MAGIX: variants seen among roughly 807,000 people sequenced by gnomAD.
MAGIX encodes the protein MAGI family member, X-linked.
MAGIX carries 13 observed loss-of-function variants against 10.0 expected under a neutral mutation model. That is an observed-to-expected ratio of 1.30 (90% CI 0.84 to 2.06). MAGIX has a LOEUF of 2.06. MAGIX is among the 30% of genes most tolerant of loss of function. The pLI is 0.00. For missense variants in MAGIX, 235 were observed against 245.2 expected (o/e 0.96, Z 0.28); for synonymous variants, 108 against 106.8 (o/e 1.01, Z -0.07).
exon 4 of MAGIX, chrX:49,165,307 C>T: frequency 1.7e-6 from 2 of 1,183,336 alleles, no homozygotes; most frequent in Non-Finnish European, 1.1e-6. Flanking sequence ...TCGTCGGCCT[C>T]TGGAGACCCA....
exon 4 of MAGIX, chrX:49,165,252 C>T (rs373871202): frequency 4.2e-6 from 5 of 1,180,823 alleles, no homozygotes; most frequent in South Asian, 1.9e-5. Context: ...ATGCCCAGGC[C>T]GTGGAGCGGA....
chrX:49,164,166 A>G, intron 2 of MAGIX: 1 of 283,687 alleles, frequency 3.5e-6, no homozygotes, highest in Non-Finnish European at 6.1e-6. Flanking sequence ...GCGGAACTGG[A>G]CCCCCGTTCT....
At chrX:49,164,200 C>T (rs1212994883) in intron 2 of MAGIX, 4 of 264,958 alleles carry the variant, frequency 1.5e-5, no homozygotes. Context: ...TTTGAGGAGG[C>T]AGGGCCTGGA....
rs782028133 is a variant in MAGIX, at chrX:49,168,390, C to T, written c.*1991C>T. ...AGGCTGAGGCAGAGAATTGCTTGAA[C>T]CCAGGAGGTGGAGGTTGCAGCGAGC... On this transcript the variant is annotated 3_prime_UTR_variant, in exon 5 of 5. Coordinates refer to ENST00000616266, the Ensembl canonical transcript of MAGIX. 6 of 98,994 alleles carry T rather than the reference C, an allele frequency of 6.1e-5. No individual in the cohort carries two copies. In the East Asian group the frequency reaches 2.0e-3, roughly 33 times the overall value. The allele number at this position is 98,994 out of a possible 1,213,427, so 8.2% of individuals were successfully genotyped here. A position where few individuals can be genotyped will look rare whatever the true frequency, so the allele number is the denominator to read the frequency against.
chrX:49,164,196 G>A (rs1557097004), intron 2 of MAGIX: 7 of 271,449 alleles, frequency 2.6e-5, no homozygotes, highest in Non-Finnish European at 4.5e-5. Context: ...CCTTTTTGAG[G>A]AGGCAGGGCC....
chrX:49,166,122 C>A (rs782199080), exon 5 of MAGIX: 2 of 1,211,664 alleles, frequency 1.7e-6, no homozygotes, highest in Non-Finnish European at 2.2e-6. Context: ...CCGGAGGTAA[C>A]GGGGTCTCGC....
At chrX:49,166,522 T>C in exon 5 of MAGIX, 1 of 562,714 alleles carries the variant, frequency 1.8e-6, no homozygotes, top group Admixed American at 4.0e-5. Context: ...CACCCGCTGC[T>C]CAGTGGCTCT....
intron 2 of MAGIX, chrX:49,164,329 A>ATCTC: frequency 3.2e-6 from 1 of 313,352 alleles, no homozygotes; most frequent in Non-Finnish European, 5.6e-6. Flanking sequence ...TGAGGGTTAG[A>ATCTC]GGCTAATTAG....
exon 1 of MAGIX, chrX:49,162,694 G>A: frequency 3.2e-6 from 1 of 308,481 alleles, no homozygotes. Flanking sequence ...AGCAGAGTGA[G>A]GCCAAGCACT....
At chrX:49,163,867 C>A in exon 2 of MAGIX, 2 of 1,039,572 alleles carry the variant, frequency 1.9e-6, no homozygotes, top group Non-Finnish European at 2.5e-6. Context: ...GCGCGAGCTG[C>A]GGTCGACGTG....
chrX:49,166,257 G>A lies in MAGIX; in HGVS notation c.686G>A (p.Arg229His), dbSNP rs1557097997. 6 of 1,199,566 alleles carry A rather than the reference G, an allele frequency of 5.0e-6. No individual in the cohort carries two copies. The African/African-American group carries it at 6.9e-5, about 14-fold the overall frequency. ...CCCACGGTTTCTCCTCCTGAGCGCC[G>A]CGCTGAGGATCCCAACGACCAGATC... Residue 229 changes from arginine to histidine, a missense_variant, in exon 5 of 5, where the codon CGC becomes CAC. By Grantham distance (29) the Arg-to-His change is conservative (BLOSUM62 0). Transcript: ENST00000616266.
exon 4 of MAGIX, chrX:49,165,292 G>A: frequency 8.5e-7 from 1 of 1,182,516 alleles, no homozygotes; most frequent in Non-Finnish European, 1.1e-6. Flanking sequence ...GCTCCACCTG[G>A]TTATTCGTCG....
At position 49,164,707 on chromosome X, in the gene MAGIX, C is replaced by T. The variant is rs782344294; in HGVS notation, c.-54C>T. On this transcript the variant is annotated splice_region_variant and 5_prime_UTR_variant, in exon 3 of 5. Transcript: ENST00000616266. ...CCTCTCCACTGCTTTTATCTCCCAGCTGTTAGCGTGCTGGACTCTGCGGAC... is the reference window on the plus strand; with the variant it reads ...CCTCTCCACTGCTTTTATCTCCCAGTTGTTAGCGTGCTGGACTCTGCGGAC... The T allele has an allele frequency of 3.3e-6, 4 of 1,209,926 alleles. No individual in the cohort carries two copies. In the Admixed American group the frequency reaches 8.7e-5, roughly 26 times the overall value.
chrX:49,164,650 T>G (rs1403730009), intron 2 of MAGIX, 57 bp from the exon 3 acceptor site: 1 of 1,030,941 alleles, frequency 9.7e-7, no homozygotes, highest in African/African-American at 1.9e-5. Context: ...GAACAGGTCC[T>G]AGGTAGTTTC....
At chrX:49,164,304 A>C in intron 2 of MAGIX, 1 of 269,515 alleles carries the variant, frequency 3.7e-6, no homozygotes, top group East Asian at 6.5e-5. Flanking sequence ...GGGGCTTGAG[A>C]TGTCAGGAAT....
At chrX:49,164,974 G>T (rs1557097318) in exon 3 of MAGIX, 2 of 1,212,060 alleles carry the variant, frequency 1.7e-6, no homozygotes, top group Admixed American at 4.3e-5. Flanking sequence ...GCTGGTTCGC[G>T]GTTACGCAGG....
rs2065370110 is a variant in MAGIX, at chrX:49,166,598, C to A, written c.*199C>A. 7.3e-6 allele frequency: 3 copies of A among 413,037 alleles called. No individual in the cohort carries two copies. In the East Asian group the frequency reaches 1.2e-4, roughly 16 times the overall value. The allele number at this position is 413,037 out of a possible 1,213,427, so 34.0% of individuals were successfully genotyped here. A position where few individuals can be genotyped will look rare whatever the true frequency, so the allele number is the denominator to read the frequency against. ...AGCCGGCTAGCCTGCGCTTCTGGTT[C>A]TGGGAGGGGGAGGTAATAAAATGGT... On this transcript the variant is annotated 3_prime_UTR_variant, in exon 5 of 5. Coordinates refer to ENST00000616266, the Ensembl canonical transcript of MAGIX.
At chrX:49,163,684 G>A in intron 1 of MAGIX, 99 bp from the exon 2 acceptor site, 1 of 833,159 alleles carries the variant, frequency 1.2e-6, no homozygotes, top group Non-Finnish European at 1.5e-6. Flanking sequence ...AGGGGTCGCC[G>A]GGTATCCTGA....
exon 5 of MAGIX, chrX:49,167,513 G>A (rs2065375910): frequency 8.8e-6 from 1 of 113,555 alleles, no homozygotes; most frequent in Admixed American, 9.3e-5. Context: ...GTGGGGAGGG[G>A]ACGGGGAAGG....
Sources: gnomAD v4.1 joint callset for allele counts on GRCh38, gnomAD v4.1.1 for gene constraint, MANE v1.5 for transcripts, NCBI Gene and HGNC (gene_info 2026-07-23, HGNC 2026-07-21) for gene names.